Variants in DLG2 observed in about 807,000 individuals in gnomAD.
DLG2 encodes the protein discs large MAGUK scaffold protein 2.
DLG2 carries 45 observed loss-of-function variants against 132.5 expected under a neutral mutation model. The ratio of observed to expected loss-of-function variants is 0.34; its 90% CI spans 0.27 to 0.44. The LOEUF (loss-of-function observed/expected upper bound fraction) is 0.44. DLG2 is among the 20% of genes least tolerant of loss of function. The probability of loss-of-function intolerance (pLI) is 1.00; values close to 1 mark genes in which losing one functional copy is unlikely to be tolerated. For synonymous variants in DLG2, 424 were observed against 419.6 expected, an observed-to-expected ratio of 1.01 and a Z score of -0.13; for missense variants, 1,045 against 1,196.9, an observed-to-expected ratio of 0.87 and a Z score of 1.87.
chr11:85,308,568 C>T (rs1009622027), intron 3 of DLG2, among the ~76,000 whole-genome samples: 11 of 152,098 alleles, frequency 7.2e-5, no homozygotes, highest in East Asian at 5.8e-4. Context: ...AAGCTCTTAC[C>T]GAATCCTGGT....
At chr11:83,572,275 A>G (rs1317949086) in intron 19 of DLG2, among the ~76,000 whole-genome samples, 1 of 152,170 alleles carries the variant, frequency 6.6e-6, no homozygotes, top group Non-Finnish European at 1.5e-5. Flanking sequence ...ACAGACAAGT[A>G]TTAAGGACTT....
intron 18 of DLG2, among the ~76,000 whole-genome samples, chr11:83,747,151 A>C (rs966677993): frequency 3.3e-5 from 5 of 152,222 alleles, no homozygotes; most frequent in Admixed American, 2.0e-4. Context: ...AAGTATATCA[A>C]ACTCAAAATT....
rs996895097 is a variant in DLG2 at position 84,147,452 on chromosome 11, G to A, written c.624+16009C>T. On this transcript the variant is annotated intron_variant, in intron 9 of 27. Transcript: ENST00000376104. ...TTTATATGCAGAGATTAGAAATGGGGAGTCATTAAAATAAAATATTTTAAA... is the reference window on the plus strand; with the variant it reads ...TTTATATGCAGAGATTAGAAATGGGAAGTCATTAAAATAAAATATTTTAAA... 2.6e-5 allele frequency among the ~76,000 whole-genome samples: 4 copies of A among 152,022 alleles called. 1 individual carries two copies. The South Asian group carries it at 8.3e-4, about 32-fold the overall frequency.
intron 15 of DLG2, among the ~76,000 whole-genome samples, chr11:83,895,464 C>T (rs71465564): frequency 0.019 from 2,951 of 152,206 alleles, 26 homozygotes; most frequent in Non-Finnish European, 0.03. Context: ...CCAGCCACTA[C>T]TGTCTTTTTT....
At chr11:83,873,635 C>T (rs367618229) in intron 16 of DLG2, among the ~76,000 whole-genome samples, 9 of 152,270 alleles carry the variant, frequency 5.9e-5, no homozygotes, top group East Asian at 1.9e-4. Flanking sequence ...TTATCAGCAT[C>T]GTGAAAATGG....
At chr11:84,395,980 CT>C (rs1347726155) in intron 7 of DLG2, among the ~76,000 whole-genome samples, 3 of 152,132 alleles carry the variant, frequency 2.0e-5, no homozygotes. Context: ...ATATTTTCCC[CT>C]ATTATGTTTA....
intron 6 of DLG2, among the ~76,000 whole-genome samples, chr11:84,713,159 G>A (rs2060634247): frequency 1.3e-5 from 2 of 152,042 alleles, no homozygotes; most frequent in Admixed American, 1.3e-4. Flanking sequence ...CTTAAGCATA[G>A]AATCCTGCTA....
chr11:84,158,159 G>T (rs1363662075), intron 9 of DLG2, among the ~76,000 whole-genome samples: 2 of 151,922 alleles, frequency 1.3e-5, no homozygotes, highest in Admixed American at 1.3e-4. Context: ...TGCCTCCCAG[G>T]TTCATGCCAT....
At chr11:84,281,690 C>G (rs1400656949) in intron 7 of DLG2, among the ~76,000 whole-genome samples, 5 of 149,538 alleles carry the variant, frequency 3.3e-5, no homozygotes, top group Non-Finnish European at 7.4e-5. Flanking sequence ...AAAAAAAAAC[C>G]CAAAAATGAG....
At chr11:85,470,365 A>G (rs1271721802) in intron 3 of DLG2, among the ~76,000 whole-genome samples, 2 of 152,128 alleles carry the variant, frequency 1.3e-5, no homozygotes, top group East Asian at 3.9e-4. Flanking sequence ...GCCACAAAGG[A>G]TTTGCACAGT....
chr11:83,636,207 A>G (rs2064797953), intron 18 of DLG2, among the ~76,000 whole-genome samples: 1 of 152,124 alleles, frequency 6.6e-6, no homozygotes, highest in Admixed American at 6.6e-5. Context: ...TTGCTACTTC[A>G]TTGCATTCAT....
chr11:85,172,856 C>T (rs1238589359), intron 4 of DLG2, among the ~76,000 whole-genome samples: 2 of 151,868 alleles, frequency 1.3e-5, no homozygotes, highest in African/African-American at 4.8e-5. Flanking sequence ...ATAGACCAAG[C>T]AGAGGAAAGA....
chr11:85,161,127 C>T (rs1015847451), intron 4 of DLG2, among the ~76,000 whole-genome samples: 6 of 152,212 alleles, frequency 3.9e-5, no homozygotes, highest in East Asian at 1.9e-4. Flanking sequence ...GGTCAAAAAC[C>T]GTGAAGATAT....
At chr11:83,563,326 G>A (rs185866279) in intron 19 of DLG2, among the ~76,000 whole-genome samples, 42 of 152,130 alleles carry the variant, frequency 2.8e-4, no homozygotes, top group Non-Finnish European at 4.9e-4. Context: ...TAAATTAAAC[G>A]TTCTTTGATC....
At position 85,206,782 on chromosome 11, in the gene DLG2, G is replaced by A. The variant is rs1206923146; in HGVS notation, c.187-52131C>T. 2.0e-5 allele frequency among the ~76,000 whole-genome samples: 3 copies of A among 152,100 alleles called. No individual in the cohort carries two copies. In the East Asian group the frequency reaches 5.8e-4, roughly 29 times the overall value. On this transcript the variant is annotated intron_variant, in intron 4 of 27. Coordinates refer to ENST00000376104, the MANE Select transcript of DLG2 (RefSeq NM_001142699.3). ...CGGGAGGCAGAGCTTGCAGTGAGAC[G>A]AGATCATGCCACTGCACTCCAGCCT...
intron 16 of DLG2, among the ~76,000 whole-genome samples, chr11:83,860,947 G>T (rs1363000908): frequency 6.6e-6 from 1 of 152,164 alleles, no homozygotes; most frequent in African/African-American, 2.4e-5. Context: ...TGCCATCCAT[G>T]TAAGATGTGA....
At chr11:83,483,314 C>T (rs769746311) in intron 22 of DLG2, 1 of 1,609,720 alleles carries the variant, frequency 6.2e-7, no homozygotes, top group Non-Finnish European at 8.5e-7. Flanking sequence ...TGGAAGTCCC[C>T]AGAGAGAGCA....
At chr11:84,770,599 G>C (rs1385151772) in intron 6 of DLG2, among the ~76,000 whole-genome samples, 1 of 151,506 alleles carries the variant, frequency 6.6e-6, no homozygotes, top group Non-Finnish European at 1.5e-5. Flanking sequence ...AAGGATAATG[G>C]CCTCCAACTG....
intron 6 of DLG2, among the ~76,000 whole-genome samples, chr11:84,677,773 G>C (rs2099717482): frequency 6.6e-6 from 1 of 152,002 alleles, no homozygotes; most frequent in Non-Finnish European, 1.5e-5. Context: ...TGCACTCATA[G>C]TTCTAGCTAT....
Sources: gnomAD v4.1 joint callset for allele counts (sites outside exome capture counted in the v4.1 genomes callset) on GRCh38, gnomAD v4.1.1 for gene constraint, MANE v1.5 for transcripts, NCBI Gene and HGNC (gene_info 2026-07-23, HGNC 2026-07-21) for gene names.